The following FHIT variants were observed in gnomAD, a reference collection of about 807,000 sequenced individuals.
The protein encoded by FHIT is bis(5'-adenosyl)-triphosphatase.
A neutral mutation model predicts 17.9 loss-of-function variants in FHIT; 19 were observed. The observed-to-expected ratio is 1.06, with a 90% CI of 0.74 to 1.56. FHIT has a LOEUF of 1.56. Among genes scored for constraint, FHIT ranks in the 40% most tolerant of loss-of-function variants. The pLI, the probability that FHIT is intolerant of heterozygous loss-of-function variation, is 0.00. For missense variants in FHIT, 248 were observed against 189.2 expected, an observed-to-expected ratio of 1.31 and a Z score of -1.82; for synonymous variants, 81 against 69.7, an observed-to-expected ratio of 1.16 and a Z score of -0.81.
chr3:60,393,364 A>C (rs771458497), intron 5 of FHIT, among the ~76,000 whole-genome samples: 4 of 150,770 alleles, frequency 2.7e-5, no homozygotes, highest in Non-Finnish European at 4.4e-5. Context: ...TTGTGCACTA[A>C]TTGAAAAAAT....
At chr3:61,224,863 C>T (rs988815341) in intron 1 of FHIT, among the ~76,000 whole-genome samples, 1 of 152,172 alleles carries the variant, frequency 6.6e-6, no homozygotes, top group African/African-American at 2.4e-5. Flanking sequence ...GACACACACA[C>T]ACACATATAT....
chr3:60,206,165 A>ATTATT (rs1553712162), intron 5 of FHIT, among the ~76,000 whole-genome samples: 4,198 of 115,610 alleles, frequency 0.036, 130 homozygotes, highest in African/African-American at 0.083. Flanking sequence ...TAATAATAAT[A>ATTATT]ATAATAATTA....
intron 3 of FHIT, among the ~76,000 whole-genome samples, chr3:60,986,790 C>T (rs921586069): frequency 3.9e-5 from 6 of 152,104 alleles, no homozygotes; most frequent in Non-Finnish European, 7.3e-5. Flanking sequence ...ACAGTTATTC[C>T]CCCACTGATA....
chr3:60,003,272 T>C (rs917016374), intron 7 of FHIT, among the ~76,000 whole-genome samples: 2 of 152,124 alleles, frequency 1.3e-5, no homozygotes, highest in Admixed American at 1.3e-4. Context: ...TTCTAAGCCA[T>C]ATATAGATCT....
chr3:60,135,712 C>G (rs527709656), intron 5 of FHIT, among the ~76,000 whole-genome samples: 2 of 152,082 alleles, frequency 1.3e-5, no homozygotes, highest in East Asian at 3.9e-4. Flanking sequence ...CCTGCACAAC[C>G]CCAAAGGACA....
chr3:59,758,577 G>C (rs946898281), intron 8 of FHIT, among the ~76,000 whole-genome samples: 4 of 152,128 alleles, frequency 2.6e-5, no homozygotes, highest in African/African-American at 9.7e-5. Context: ...CAGCGGACTA[G>C]TACGTCCTTG....
chr3:60,446,332 A>C (rs1341083370), intron 5 of FHIT, among the ~76,000 whole-genome samples: 1 of 152,206 alleles, frequency 6.6e-6, no homozygotes, highest in East Asian at 1.9e-4. Context: ...GCATGATGGT[A>C]TCTCCCACCA....
At chr3:60,267,332 T>G (rs1706633612) in intron 5 of FHIT, among the ~76,000 whole-genome samples, 1 of 150,738 alleles carries the variant, frequency 6.6e-6, no homozygotes, top group Non-Finnish European at 1.5e-5. Flanking sequence ...ACACACACAA[T>G]AAATGGGAAA....
chr3:60,911,827 G>C (rs1341917746), intron 3 of FHIT, among the ~76,000 whole-genome samples: 1 of 152,120 alleles, frequency 6.6e-6, no homozygotes, highest in Non-Finnish European at 1.5e-5. Context: ...AGCAAAGGGA[G>C]GGGGTAAAAT....
chr3:61,046,165 C>T lies in FHIT; in HGVS notation c.-163-4066G>A, dbSNP rs180889014. 2.9e-3 allele frequency among the ~76,000 whole-genome samples: 432 copies of T among 150,572 alleles called. 1 individual carries two copies. Among genetic ancestry groups the T allele is most frequent in the African/African-American group, 1.0e-2 (408 of 40,928 alleles). ...AGAGCAGAACTGAAGGAGATAGAGA[C>T]GCAAAAAACCCTTCAAAAAATCAAT... On this transcript the variant is annotated intron_variant, in intron 2 of 9. Coordinates refer to ENST00000492590, the MANE Select transcript of FHIT (RefSeq NM_002012.4).
chr3:60,438,111 G>A (rs538467166), intron 5 of FHIT, among the ~76,000 whole-genome samples: 1 of 152,156 alleles, frequency 6.6e-6, no homozygotes, highest in Admixed American at 6.6e-5. Context: ...CAACCGTACA[G>A]TCAAAACAAT....
At chr3:60,192,388 G>A (rs1044282903) in intron 5 of FHIT, among the ~76,000 whole-genome samples, 2 of 151,782 alleles carry the variant, frequency 1.3e-5, no homozygotes, top group Admixed American at 1.3e-4. Flanking sequence ...CATGAATGCT[G>A]TGGCTGGAGA....
Position 60,536,901 on chromosome 3 carries a change from A to C in FHIT, c.62T>G (p.Leu21Arg). The C allele has an allele frequency of 6.2e-7, 1 of 1,613,436 alleles. No individual in the cohort carries two copies. Among genetic ancestry groups the C allele is most frequent in the Admixed American group, 1.7e-5 (1 of 59,958 alleles). Residue 21 changes from leucine to arginine, a missense_variant, in exon 5 of 10, where the codon CTG becomes CGG. By Grantham distance (102) the Leu-to-Arg change is moderately radical (BLOSUM62 -2). Transcript: ENST00000492590. ...TTTCCTATTCACAAGAGCGAAGGAC[A>C]GTTCTGTTTTGAGAAACACTACAGA... The part of the protein sequence containing the change: ...KPSVVFLKTE[L>R]SFALVNRKPV...
In FHIT at chr3:59,792,874, G is replaced by A. The variant is rs571257148; in HGVS notation, c.349-40553C>T. Among the ~76,000 whole-genome samples the A allele has an allele frequency of 3.4e-4, 34 of 101,230 alleles. 1 individual carries two copies. In the South Asian group the frequency reaches 9.2e-3, roughly 27 times the overall value. The allele number at this position is 101,230 out of a possible 152,430, so 66.4% of individuals were successfully genotyped here. A position where few individuals can be genotyped will look rare whatever the true frequency, so the allele number is the denominator to read the frequency against. ...TTAGTTTGGAGGTCCTTATTTTTTG[G>A]GGGGGGGGGTCATGAACCTCCTTGA... is the stretch of plus-strand genomic sequence containing the variant. On this transcript the variant is annotated intron_variant, in intron 8 of 9. Coordinates refer to ENST00000492590, the MANE Select transcript of FHIT (RefSeq NM_002012.4).
At chr3:60,382,330 A>G (rs561163408) in intron 5 of FHIT, among the ~76,000 whole-genome samples, 4 of 152,384 alleles carry the variant, frequency 2.6e-5, no homozygotes, top group African/African-American at 9.6e-5. Context: ...AAATGCAACA[A>G]GAGTGCCACA....
intron 3 of FHIT, among the ~76,000 whole-genome samples, chr3:60,911,964 T>C (rs188697790): frequency 1.4e-4 from 21 of 152,156 alleles, no homozygotes; most frequent in Admixed American, 1.2e-3. Context: ...ATGCTGACAA[T>C]AATTATGTGA....
chr3:61,073,331 A>G (rs1381367683), intron 2 of FHIT, among the ~76,000 whole-genome samples: 1 of 152,154 alleles, frequency 6.6e-6, no homozygotes, highest in Non-Finnish European at 1.5e-5. Flanking sequence ...GCCCTATAGT[A>G]ATAAAGTGTG....
At chr3:60,541,785 G>A (rs2036194776) in intron 4 of FHIT, among the ~76,000 whole-genome samples, 1 of 152,182 alleles carries the variant, frequency 6.6e-6, no homozygotes, top group African/African-American at 2.4e-5. Flanking sequence ...CATACCTGAT[G>A]ACACTGTCTG....
chr3:61,118,236 C>G (rs1240564325), intron 2 of FHIT, among the ~76,000 whole-genome samples: 3 of 152,166 alleles, frequency 2.0e-5, no homozygotes, highest in Admixed American at 6.6e-5. Flanking sequence ...CTTCACGTGC[C>G]TTTCACACAA....
Sources: allele counts gnomAD v4.1 joint callset (sites outside exome capture counted in the v4.1 genomes callset), GRCh38; gene constraint gnomAD v4.1.1; transcripts MANE v1.5; gene names NCBI Gene and HGNC (gene_info 2026-07-23, HGNC 2026-07-21).